LIMS1: variants seen among roughly 807,000 people sequenced by gnomAD.
The protein encoded by LIMS1 is LIM and senescent cell antigen-like-containing domain protein 1.
Under a neutral mutation model 44.1 loss-of-function variants are expected in LIMS1, and 18 were observed. That is an observed-to-expected ratio of 0.41 (90% confidence interval 0.28 to 0.61). LIMS1 has a LOEUF of 0.61. LIMS1 is among the 20% of genes least tolerant of loss of function. The pLI is 0.32. For missense variants in LIMS1, 201 were observed against 422.0 expected, an observed-to-expected ratio of 0.48 and a Z score of 4.59; for synonymous variants, 93 against 149.1, an observed-to-expected ratio of 0.62 and a Z score of 2.74.
At chr2:108,627,400 GTTT>G (rs58261864) in intron 1 of LIMS1, among the ~76,000 whole-genome samples, 1,108 of 107,012 alleles carry the variant, frequency 0.01, 7 homozygotes, top group South Asian at 0.021. Context: ...TCCCTTTCTG[GTTT>G]TTTTTTTTTT....
At chr2:108,583,707 T>G (rs1466171886) in intron 1 of LIMS1, among the ~76,000 whole-genome samples, 2 of 148,746 alleles carry the variant, frequency 1.3e-5, no homozygotes, top group African/African-American at 2.5e-5. Context: ...TTTCTTTTTT[T>G]TTTTTTTGAG....
intron 1 of LIMS1, chr2:108,621,567 A>G: frequency 1.3e-6 from 1 of 794,724 alleles, no homozygotes; most frequent in Non-Finnish European, 2.1e-6. Flanking sequence ...CTCATTGAAA[A>G]GTAGCCTCTT....
intron 1 of LIMS1, among the ~76,000 whole-genome samples, chr2:108,591,951 T>G (rs1247152024): frequency 6.6e-6 from 1 of 151,938 alleles, no homozygotes; most frequent in Non-Finnish European, 1.5e-5. Context: ...CGCACCACCA[T>G]GCCCGGCTAA....
chr2:108,552,645 T>C (rs577696182), intron 1 of LIMS1, among the ~76,000 whole-genome samples: 1 of 150,402 alleles, frequency 6.6e-6, no homozygotes, highest in South Asian at 2.1e-4. Context: ...CTGTCGGCCA[T>C]ACTGCATGAT....
intron 1 of LIMS1, among the ~76,000 whole-genome samples, chr2:108,552,313 A>G (rs1286830814): frequency 7.0e-6 from 1 of 142,528 alleles, no homozygotes; most frequent in Non-Finnish European, 1.5e-5. Flanking sequence ...TAGTATATAT[A>G]TGAAACTATA....
intron 1 of LIMS1, among the ~76,000 whole-genome samples, chr2:108,578,495 G>A (rs113329901): frequency 0.012 from 1,892 of 151,904 alleles, 25 homozygotes; most frequent in Non-Finnish European, 0.02. Context: ...GATTACTGCA[G>A]CCAGAAGGTT....
chr2:108,633,724 A>G (rs1483625149), intron 1 of LIMS1, among the ~76,000 whole-genome samples: 1 of 152,274 alleles, frequency 6.6e-6, no homozygotes. Context: ...CATGTTTGCC[A>G]TTCTGAACTG....
chr2:108,627,452 C>G (rs1394167349), intron 1 of LIMS1, among the ~76,000 whole-genome samples: 1 of 145,058 alleles, frequency 6.9e-6, no homozygotes, highest in Non-Finnish European at 1.5e-5. Flanking sequence ...AGGAACGAAC[C>G]GTCAACTTTA....
At chr2:108,624,022 G>A (rs1573478112) in intron 1 of LIMS1, among the ~76,000 whole-genome samples, 1 of 152,186 alleles carries the variant, frequency 6.6e-6, no homozygotes, top group Admixed American at 6.5e-5. Context: ...CTAGACTTTT[G>A]TTTTAAAGTA....
At chr2:108,557,683 A>G (rs1052823603) in intron 1 of LIMS1, among the ~76,000 whole-genome samples, 3 of 151,732 alleles carry the variant, frequency 2.0e-5, no homozygotes, top group African/African-American at 7.3e-5. Flanking sequence ...CGCCCAGCTA[A>G]TTTTTGTATT....
chr2:108,613,458 C>A (rs1344264395), intron 1 of LIMS1, among the ~76,000 whole-genome samples: 1 of 152,070 alleles, frequency 6.6e-6, no homozygotes, highest in Non-Finnish European at 1.5e-5. Flanking sequence ...CTTCCTGCCT[C>A]CCTCCCTGGC....
At chr2:108,679,093 A>G (rs138387978) in intron 8 of LIMS1, among the ~76,000 whole-genome samples, 133 of 152,314 alleles carry the variant, frequency 8.7e-4, no homozygotes, top group African/African-American at 3.0e-3. Context: ...GAAAAATAAC[A>G]ATATAACAGT....
chr2:108,621,509 T>TTA, intron 1 of LIMS1: 1 of 1,339,198 alleles, frequency 7.5e-7, no homozygotes, highest in Non-Finnish European at 1.0e-6. Flanking sequence ...TCTAATCTAG[T>TTA]AAGTGCAGTG....
intron 1 of LIMS1, among the ~76,000 whole-genome samples, chr2:108,560,693 C>T (rs762172170): frequency 4.6e-5 from 7 of 151,908 alleles, no homozygotes; most frequent in African/African-American, 9.7e-5. Flanking sequence ...CACACAGCTT[C>T]GATGGATGGA....
chr2:108,663,487 A>G (rs1691512921), intron 2 of LIMS1, among the ~76,000 whole-genome samples: 2 of 152,180 alleles, frequency 1.3e-5, no homozygotes, highest in East Asian at 1.9e-4. Flanking sequence ...AATTTTTCCC[A>G]TAAGAAAATA....
rs1047892696 is a variant in LIMS1, at chr2:108,603,474, G to A, written c.33-56131G>A. On this transcript the variant is annotated intron_variant, in intron 1 of 9. Coordinates refer to ENST00000544547, the Ensembl canonical transcript of LIMS1. ...CCTTTGAATTTCTGCAGTATCAGTT[G>A]TAATGTCTCCTTTTCATCGCCTTTT... 2.3e-5 allele frequency among the ~76,000 whole-genome samples: 3 copies of A among 132,628 alleles called. No homozygotes were observed. In the South Asian group the frequency reaches 7.3e-4, roughly 32 times the overall value. The allele number at this position is 132,628 out of a possible 152,430, so 87.0% of individuals were successfully genotyped here.
chr2:108,595,843 C>T (rs1224715753), intron 1 of LIMS1, among the ~76,000 whole-genome samples: 1 of 152,034 alleles, frequency 6.6e-6, no homozygotes, highest in Non-Finnish European at 1.5e-5. Context: ...ATAAAATCTA[C>T]CACCTTAATC....
At chr2:108,672,102 G>A (rs917235283) in intron 3 of LIMS1, among the ~76,000 whole-genome samples, 1 of 148,046 alleles carries the variant, frequency 6.8e-6, no homozygotes, top group African/African-American at 2.5e-5. Flanking sequence ...GGGAGGCAGA[G>A]GTTGCAGTGA....
chr2:108,670,320 A>C (rs1288550974), intron 2 of LIMS1, among the ~76,000 whole-genome samples: 2 of 150,892 alleles, frequency 1.3e-5, no homozygotes, highest in African/African-American at 2.4e-5. Flanking sequence ...ACTCCCATTT[A>C]AAAAAATAAT....
Sources: gnomAD v4.1 joint callset for allele counts (sites outside exome capture counted in the v4.1 genomes callset) on GRCh38, gnomAD v4.1.1 for gene constraint, MANE v1.5 for transcripts, NCBI Gene and HGNC (gene_info 2026-07-23, HGNC 2026-07-21) for gene names.